Variants in LRRTM4 observed in about 807,000 individuals in gnomAD.
LRRTM4 encodes leucine rich repeat transmembrane neuronal 4.
A neutral mutation model predicts 47.6 loss-of-function variants in LRRTM4; 25 were observed. The observed-to-expected ratio is 0.53, with a 90% CI of 0.38 to 0.73. LRRTM4 has a LOEUF of 0.73. Ranked by LOEUF, LRRTM4 falls within the 30% of genes least tolerant of loss-of-function variation. The pLI, the probability that LRRTM4 is intolerant of heterozygous loss-of-function variation, is 0.00. For synonymous variants in LRRTM4, 311 were observed against 269.5 expected, an observed-to-expected ratio of 1.15 and a Z score of -1.51; for missense variants, 638 against 713.4, an observed-to-expected ratio of 0.89 and a Z score of 1.20.
rs1558771810 is a variant in LRRTM4, at chr2:76,974,229, T to TATATATATACATATATATACATAC, written c.1552-225314_1552-225313insGTATGTATATATATGTATATATAT. 6.1e-4 allele frequency among the ~76,000 whole-genome samples: 62 copies of TATATATATACATATATATACATAC among 101,736 alleles called. No homozygotes were observed. The East Asian group carries it at 0.012, about 19-fold the overall frequency. The allele number at this position is 101,736 out of a possible 152,430, so 66.7% of individuals were successfully genotyped here. ...ATATATACACATATATATACATACA[T>TATATATATACATATATATACATAC]ATATATATATACATATATATATATA... On this transcript the variant is annotated intron_variant, in intron 3 of 3. Coordinates refer to ENST00000409884, the MANE Select transcript of LRRTM4 (RefSeq NM_001134745.3).
chr2:77,253,177 T>C (rs1247758276), intron 3 of LRRTM4, among the ~76,000 whole-genome samples: 3 of 152,108 alleles, frequency 2.0e-5, no homozygotes, highest in Non-Finnish European at 2.9e-5. Context: ...AGTCCTACCA[T>C]TTTCAAACAT....
At chr2:77,041,139 C>G (rs1287690290) in intron 3 of LRRTM4, among the ~76,000 whole-genome samples, 1 of 151,524 alleles carries the variant, frequency 6.6e-6, no homozygotes, top group Non-Finnish European at 1.5e-5. Flanking sequence ...GTTAGATCAA[C>G]TTTAGATTCC....
intron 3 of LRRTM4, among the ~76,000 whole-genome samples, chr2:77,211,992 G>T (rs1425326350): frequency 6.6e-6 from 1 of 152,084 alleles, no homozygotes; most frequent in East Asian, 1.9e-4. Flanking sequence ...AGTAATATGT[G>T]TGTTAGTCCC....
intron 3 of LRRTM4, among the ~76,000 whole-genome samples, chr2:76,819,637 C>T (rs538534936): frequency 7.9e-5 from 12 of 151,984 alleles, no homozygotes; most frequent in African/African-American, 2.9e-4. Flanking sequence ...CCACACACAA[C>T]AGTAATACTT....
At chr2:77,510,360 A>T (rs1419708266) in intron 3 of LRRTM4, among the ~76,000 whole-genome samples, 2 of 152,134 alleles carry the variant, frequency 1.3e-5, no homozygotes, top group African/African-American at 2.4e-5. Context: ...GAAGAATTGA[A>T]ATGCAAATAT....
chr2:77,023,818 A>G (rs958547124), intron 3 of LRRTM4, among the ~76,000 whole-genome samples: 7 of 151,858 alleles, frequency 4.6e-5, no homozygotes, highest in Admixed American at 1.3e-4. Context: ...AACTGTTCCA[A>G]CCTCTGCCTG....
intron 3 of LRRTM4, among the ~76,000 whole-genome samples, chr2:76,828,399 T>C (rs1671244899): frequency 6.6e-6 from 1 of 151,990 alleles, no homozygotes; most frequent in Non-Finnish European, 1.5e-5. Context: ...ATCACTGTAA[T>C]GCACATTTCA....
At position 76,815,083 on chromosome 2, in the gene LRRTM4, T is replaced by C. The variant is rs181469085; in HGVS notation, c.1552-66167A>G. On this transcript the variant is annotated intron_variant, in intron 3 of 3. Transcript: ENST00000409884. ...GTGCTTGTTCTAAAAATGTTCTGCC[T>C]TTCGAAACACAGGACAATTGTATCT... 5.5e-4 allele frequency among the ~76,000 whole-genome samples: 84 copies of C among 152,054 alleles called. 1 individual carries two copies. The highest frequency in any genetic ancestry group is 1.7e-3 in the African/African-American group (72 of 41,478).
intron 3 of LRRTM4, among the ~76,000 whole-genome samples, chr2:76,900,330 G>C (rs186567654): frequency 2.3e-5 from 3 of 133,130 alleles, no homozygotes; most frequent in Non-Finnish European, 4.7e-5. Flanking sequence ...GTTTTTTGTA[G>C]ATAAAAATAT....
At chr2:77,419,712 A>G (rs1054373351) in intron 3 of LRRTM4, among the ~76,000 whole-genome samples, 3 of 152,154 alleles carry the variant, frequency 2.0e-5, no homozygotes, top group Admixed American at 6.5e-5. Context: ...ATGAATTTCC[A>G]CTTTGCACAG....
chr2:77,509,415 C>T (rs946221484), intron 3 of LRRTM4, among the ~76,000 whole-genome samples: 1 of 152,000 alleles, frequency 6.6e-6, no homozygotes, highest in South Asian at 2.1e-4. Flanking sequence ...ATAAAATGTT[C>T]GGTCAAGGGA....
chr2:77,028,722 C>T (rs2104128207), intron 3 of LRRTM4, among the ~76,000 whole-genome samples: 1 of 151,754 alleles, frequency 6.6e-6, no homozygotes, highest in African/African-American at 2.4e-5. Context: ...AAATGCAGGA[C>T]AAAAACCATA....
At chr2:77,097,433 T>G (rs1670839886) in intron 3 of LRRTM4, among the ~76,000 whole-genome samples, 1 of 151,944 alleles carries the variant, frequency 6.6e-6, no homozygotes, top group South Asian at 2.1e-4. Flanking sequence ...CTTCTTCCAC[T>G]CCAATGAAAT....
chr2:76,867,378 A>T (rs1672497387), intron 3 of LRRTM4, among the ~76,000 whole-genome samples: 1 of 152,314 alleles, frequency 6.6e-6, no homozygotes, highest in African/African-American at 2.4e-5. Flanking sequence ...TTGTAAACCA[A>T]ATTGGACACA....
chr2:77,392,816 T>A (rs1346469192), intron 3 of LRRTM4, among the ~76,000 whole-genome samples: 1 of 152,074 alleles, frequency 6.6e-6, no homozygotes, highest in Non-Finnish European at 1.5e-5. Context: ...TGGTGACTAA[T>A]AGCATAGCTA....
chr2:76,907,015 T>C (rs1295947855), intron 3 of LRRTM4, among the ~76,000 whole-genome samples: 1 of 152,056 alleles, frequency 6.6e-6, no homozygotes, highest in African/African-American at 2.4e-5. Context: ...TACAGAACTC[T>C]CCACCCCAAA....
chr2:76,922,478 C>G lies in LRRTM4; in HGVS notation c.1552-173562G>C, dbSNP rs138391558. Among the ~76,000 whole-genome samples, 176 of 152,190 alleles carry G rather than the reference C, an allele frequency of 1.2e-3. 4 individuals are homozygous for G. The East Asian group carries it at 0.024, about 21-fold the overall frequency. On this transcript the variant is annotated intron_variant, in intron 3 of 3. Transcript: ENST00000409884. ...AGCCTCCATGATTCAATCATCCCCC[C>G]ACCAGACCCTTCCCCTGACACACGG...
At chr2:76,835,138 A>C (rs1573186902) in intron 3 of LRRTM4, among the ~76,000 whole-genome samples, 1 of 152,256 alleles carries the variant, frequency 6.6e-6, no homozygotes, top group South Asian at 2.1e-4. Flanking sequence ...CTTGATGTGT[A>C]TTGGGCAAGT....
At chr2:77,477,894 A>C in intron 3 of LRRTM4, among the ~76,000 whole-genome samples, 1 of 112,434 alleles carries the variant, frequency 8.9e-6, no homozygotes, top group East Asian at 2.4e-4. Context: ...AAAGAAAGAA[A>C]AAGAAAGAAA....
Sources: gnomAD v4.1 joint callset for allele counts (sites outside exome capture counted in the v4.1 genomes callset) on GRCh38, gnomAD v4.1.1 for gene constraint, MANE v1.5 for transcripts, NCBI Gene and HGNC (gene_info 2026-07-23, HGNC 2026-07-21) for gene names.